Variants in MME observed in about 807,000 individuals in gnomAD.
MME encodes neprilysin.
In MME, 98 loss-of-function variants were observed where a neutral mutation model predicts 113.2. That is an observed-to-expected ratio of 0.87 (90% CI 0.74 to 1.02). The LOEUF (loss-of-function observed/expected upper bound fraction) is 1.02, where lower values mean the gene tolerates loss of function less well. MME is among the 50% of genes least tolerant of loss of function. The pLI, the probability that MME is intolerant of heterozygous loss-of-function variation, is 0.00. For missense variants in MME, 836 were observed against 896.0 expected, an observed-to-expected ratio of 0.93 and a Z score of 0.86; for synonymous variants, 292 against 300.6, an observed-to-expected ratio of 0.97 and a Z score of 0.30.
At chr3:155,084,725 AC>A (rs1269387968) in intron 2 of MME, among the ~76,000 whole-genome samples, 2 of 152,196 alleles carry the variant, frequency 1.3e-5, no homozygotes. Context: ...GTTTTTTACA[AC>A]AAGGATGAAA....
Position 155,183,456 on chromosome 3 carries a change from C to G in MME, c.*2997C>G, listed in dbSNP as rs200420227. ...TGAGACAAAATTTTAGTCCAAATAA[C>G]AAGTACCAAAGTTTTATCAAGTTTG... is the stretch of plus-strand genomic sequence containing the variant. On this transcript the variant is annotated 3_prime_UTR_variant, in exon 23 of 23. Transcript: ENST00000360490. 8 of 152,142 alleles carry G rather than the reference C, an allele frequency of 5.3e-5. No individual in the cohort carries two copies. The highest frequency in any genetic ancestry group is 9.7e-5 in the African/African-American group (4 of 41,430). The allele number at this position is 152,142 out of a possible 1,614,324, so 9.4% of individuals were successfully genotyped here.
intron 1 of MME, among the ~76,000 whole-genome samples, chr3:155,064,898 G>A (rs1246106856): frequency 6.6e-6 from 1 of 152,084 alleles, no homozygotes; most frequent in African/African-American, 2.4e-5. Context: ...GTGTCCTTTG[G>A]CTTGTAGGTG....
intron 16 of MME, among the ~76,000 whole-genome samples, chr3:155,152,713 C>G (rs1722022143): frequency 6.6e-6 from 1 of 151,986 alleles, no homozygotes; most frequent in Admixed American, 6.6e-5. Flanking sequence ...TGGTGCCATG[C>G]AGCTGTAATG....
chr3:155,117,897 A>G (rs189816746), intron 7 of MME, among the ~76,000 whole-genome samples: 84 of 152,148 alleles, frequency 5.5e-4, no homozygotes, highest in African/African-American at 2.0e-3. Context: ...CTATTGGCCT[A>G]GGCTCTCCAC....
At chr3:155,167,121 C>A in intron 18 of MME, 100 bp downstream of exon 18, 1 of 1,421,012 alleles carries the variant, frequency 7.0e-7, no homozygotes, top group South Asian at 1.2e-5. Flanking sequence ...TTTATTCAAA[C>A]ATGTATCATT....
chr3:155,057,121 C>G (rs908642069), intron 1 of MME, among the ~76,000 whole-genome samples: 1 of 152,106 alleles, frequency 6.6e-6, no homozygotes, highest in Non-Finnish European at 1.5e-5. Context: ...TAAAGAGCTT[C>G]TGCACAGCAA....
intron 8 of MME, among the ~76,000 whole-genome samples, chr3:155,128,729 C>T (rs779030728): frequency 2.0e-5 from 3 of 152,032 alleles, no homozygotes; most frequent in Non-Finnish European, 4.4e-5. Context: ...TGCTGTGTCT[C>T]ATTGCCCTTT....
intron 1 of MME, among the ~76,000 whole-genome samples, chr3:155,042,360 AT>A (rs1713350387): frequency 6.6e-6 from 1 of 152,200 alleles, no homozygotes; most frequent in African/African-American, 2.4e-5. Context: ...AGACAGAAAC[AT>A]ATAATGAAAA....
chr3:155,130,720 TA>T (rs763840704), intron 8 of MME, among the ~76,000 whole-genome samples: 3 of 152,124 alleles, frequency 2.0e-5, no homozygotes, highest in Non-Finnish European at 4.4e-5. Context: ...GAACTGGGAT[TA>T]AACAAGAGGG....
chr3:155,070,038 T>C (rs1167852583), intron 1 of MME, among the ~76,000 whole-genome samples: 3 of 152,194 alleles, frequency 2.0e-5, no homozygotes, highest in Non-Finnish European at 4.4e-5. Flanking sequence ...AGGTGGACGA[T>C]GCAAACAGAC....
Position 155,138,277 on chromosome 3 carries a change from A to G in MME, c.855+41A>G, listed in dbSNP as rs181097170. 9.0e-5 allele frequency: 145 copies of G among 1,602,444 alleles called. No individual in the cohort carries two copies. In the East Asian group the frequency reaches 3.2e-3, roughly 35 times the overall value. ...TTTTCTGATACACTGAATAATGTCA[A>G]CCGCTTTTTTTCTTTCCCCTCTCTA... On this transcript the variant is annotated intron_variant, in intron 9 of 22. Coordinates refer to ENST00000360490, the MANE Select transcript of MME (RefSeq NM_007289.4).
intron 1 of MME, among the ~76,000 whole-genome samples, chr3:155,038,207 C>G (rs1030506166): frequency 6.6e-6 from 1 of 152,166 alleles, no homozygotes; most frequent in Admixed American, 6.5e-5. Flanking sequence ...GCCTCAACTA[C>G]CAGACTCCAA....
chr3:155,104,623 G>A (rs545962617), intron 3 of MME, among the ~76,000 whole-genome samples: 22 of 152,278 alleles, frequency 1.4e-4, no homozygotes, highest in South Asian at 4.1e-4. Context: ...CAGACAATAT[G>A]ATCCAAAATA....
chr3:155,160,521 T>C, intron 17 of MME, 73 bp downstream of exon 17: 2 of 963,248 alleles, frequency 2.1e-6, no homozygotes, highest in Non-Finnish European at 3.4e-6. Context: ...GTATGACCAA[T>C]TACAATACCT....
Position 155,166,929 on chromosome 3 carries a change from C to G in MME, c.1688C>G (p.Pro563Arg). Residue 563 changes from proline (P) to arginine (R), a missense_variant, in exon 18 of 23, where the codon CCC (proline) becomes CGC (arginine). Coordinates refer to ENST00000360490, the MANE Select transcript of MME (RefSeq NM_007289.4). ...TTCCCAGCCGGCATTCTGCAGCCCC[C>G]CTTCTTTAGTGCCCAGCAGTCCAAC... ...IVFPAGILQP[P>R]FFSAQQSNSL... is the part of the protein sequence containing the mutation. 6.2e-7 allele frequency: 1 copy of G among 1,613,716 alleles called. No homozygotes were observed. The highest frequency in any genetic ancestry group is 8.5e-7 in the Non-Finnish European group (1 of 1,179,758).
upstream of MME, among the ~76,000 whole-genome samples, chr3:155,076,081 T>C (rs1714738085): frequency 6.6e-6 from 1 of 152,218 alleles, no homozygotes. Context: ...AGTTTTTCAA[T>C]TTTTATTTTG....
At chr3:155,135,874 ATTT>A (rs1720582187) in intron 8 of MME, among the ~76,000 whole-genome samples, 1 of 152,092 alleles carries the variant, frequency 6.6e-6, no homozygotes, top group Admixed American at 6.6e-5. Flanking sequence ...ACTCTTAGAT[ATTT>A]ATGTAATGTG....
chr3:155,092,083 T>C (rs1483054445), intron 3 of MME, among the ~76,000 whole-genome samples: 1 of 152,186 alleles, frequency 6.6e-6, no homozygotes, highest in Admixed American at 6.5e-5. Context: ...TTCCCCTCCC[T>C]CTGCCTCTTG....
chr3:155,110,150 G>T (rs1718070027), intron 3 of MME, among the ~76,000 whole-genome samples: 1 of 152,214 alleles, frequency 6.6e-6, no homozygotes, highest in Non-Finnish European at 1.5e-5. Context: ...AAGAGTAAAA[G>T]GGTACTTGAA....
Sources: gnomAD v4.1 joint callset for allele counts (sites outside exome capture counted in the v4.1 genomes callset) on GRCh38, gnomAD v4.1.1 for gene constraint, MANE v1.5 for transcripts, NCBI Gene and HGNC (gene_info 2026-07-23, HGNC 2026-07-21) for gene names.